The following GLI3 variants were observed in gnomAD, a reference collection of about 807,000 sequenced individuals.
The protein encoded by GLI3 is GLI family zinc finger 3, also known as transcription activator GLI3.
GLI3 carries 20 observed loss-of-function variants against 100.8 expected under a neutral mutation model. That is an observed-to-expected ratio of 0.20 (90% confidence interval 0.14 to 0.29). The LOEUF (loss-of-function observed/expected upper bound fraction) is 0.29, where lower values mean the gene tolerates loss of function less well. Ranked by LOEUF, GLI3 falls within the 10% of genes least tolerant of loss-of-function variation. GLI3 has a pLI of 1.00. For synonymous variants in GLI3, 938 were observed against 860.5 expected (o/e 1.09, Z -1.58); for missense variants, 2,040 against 2,128.5 (o/e 0.96, Z 0.82).
chr7:42,052,880 A>G (rs1178013227), intron 4 of GLI3, among the ~76,000 whole-genome samples: 1 of 152,204 alleles, frequency 6.6e-6, no homozygotes, highest in African/African-American at 2.4e-5. Context: ...TTCAACTACC[A>G]TAGCCAAACA....
intron 2 of GLI3, among the ~76,000 whole-genome samples, chr7:42,154,830 G>C (rs1786962166): frequency 6.6e-6 from 1 of 152,196 alleles, no homozygotes; most frequent in Non-Finnish European, 1.5e-5. Context: ...AAGGGCGTGA[G>C]CAAACAATGC....
intron 2 of GLI3, among the ~76,000 whole-genome samples, chr7:42,190,248 C>T (rs1280992312): frequency 6.6e-6 from 1 of 151,440 alleles, no homozygotes; most frequent in East Asian, 1.9e-4. Context: ...AAATGAAAAC[C>T]ATTAGAATTT....
At chr7:42,116,729 G>C (rs1346414525) in intron 3 of GLI3, among the ~76,000 whole-genome samples, 1 of 151,914 alleles carries the variant, frequency 6.6e-6, no homozygotes, top group East Asian at 1.9e-4. Context: ...ATGTTTTCAG[G>C]AATATTAACA....
At position 42,117,910 on chromosome 7, in the gene GLI3, T is replaced by G. The variant is rs140141209; in HGVS notation, c.367+30316A>C. On this transcript the variant is annotated intron_variant, in intron 3 of 14. Transcript: ENST00000395925. ...ATGCTGGCCCTTGAGTAGCTGCCGC[T>G]GTCTCCATGGAAGGACGGCACCATA... 8.7e-4 allele frequency among the ~76,000 whole-genome samples: 133 copies of G among 152,318 alleles called. No individual in the cohort carries two copies. The East Asian group carries it at 9.1e-3, about 10-fold the overall frequency.
intron 10 of GLI3, among the ~76,000 whole-genome samples, chr7:41,982,215 C>A (rs1423363459): frequency 6.6e-6 from 1 of 152,160 alleles, no homozygotes; most frequent in African/African-American, 2.4e-5. Context: ...CCAAGTCAAT[C>A]TTCCTCTTCT....
rs182941664 is a variant in GLI3 at position 42,234,751 on chromosome 7, C to T, written c.-43+2220G>A. On this transcript the variant is annotated intron_variant, in intron 1 of 14. Coordinates refer to ENST00000395925, the MANE Select transcript of GLI3 (RefSeq NM_000168.6). ...ACCTCTCACATTGGACTCATTCATGCATCTTAAACCAAAGCTTCCCTAGGC... is the reference window on the plus strand; with the variant it reads ...ACCTCTCACATTGGACTCATTCATGTATCTTAAACCAAAGCTTCCCTAGGC... 5.5e-4 allele frequency among the ~76,000 whole-genome samples: 84 copies of T among 152,218 alleles called. 1 individual carries two copies. Among genetic ancestry groups the T allele is most frequent in the African/African-American group, 1.9e-3 (81 of 41,560 alleles).
intron 1 of GLI3, among the ~76,000 whole-genome samples, chr7:42,230,013 T>G (rs554072190): frequency 5.5e-5 from 8 of 146,118 alleles, no homozygotes; most frequent in Non-Finnish European, 8.9e-5. Context: ...ATAACCTTTG[T>G]GACACTCTAG....
chr7:42,060,711 A>G (rs952137648), intron 4 of GLI3, among the ~76,000 whole-genome samples: 1 of 152,170 alleles, frequency 6.6e-6, no homozygotes, highest in African/African-American at 2.4e-5. Context: ...ACAAGGCAAA[A>G]TAGAAAAATA....
At position 41,965,921 on chromosome 7, in the gene GLI3, C is replaced by T. The variant is rs1484111923; in HGVS notation, c.3152G>A (p.Arg1051Gln). 2.5e-6 allele frequency: 4 copies of T among 1,613,238 alleles called. No individual in the cohort carries two copies. The highest frequency in any genetic ancestry group is 2.2e-5 in the East Asian group (1 of 44,830). ...KRSLVLQNYT[R>Q]PEGGQSRNFH... ...GTTTCGGGACTGGCCGCCCTCGGGC[C>T]GCGTGTAATTCTGAAGCACGAGACT... The change falls in exon 15 of 15, where the codon CGG becomes CAG. Residue 1051 changes from arginine to glutamine, a missense_variant. By Grantham distance (43) the Arg-to-Gln change is conservative. Transcript: ENST00000395925.
At chr7:42,245,334 T>C (rs755202647) in intron 1 of GLI3, among the ~76,000 whole-genome samples, 1 of 152,206 alleles carries the variant, frequency 6.6e-6, no homozygotes, top group Non-Finnish European at 1.5e-5. Flanking sequence ...CTCAGTCATA[T>C]ATTTTTGGGC....
At chr7:42,112,655 C>G (rs969218789) in intron 3 of GLI3, among the ~76,000 whole-genome samples, 4 of 152,124 alleles carry the variant, frequency 2.6e-5, no homozygotes, top group Non-Finnish European at 5.9e-5. Context: ...ATATAATATA[C>G]TTCTAATCCC....
intron 10 of GLI3, among the ~76,000 whole-genome samples, chr7:41,994,096 G>T (rs1788061948): frequency 6.6e-6 from 1 of 152,100 alleles, no homozygotes; most frequent in South Asian, 2.1e-4. Flanking sequence ...ATGTCCCACT[G>T]GCTGTAGAAA....
At chr7:41,968,763 G>GAAGGAAA (rs1491137662) in intron 13 of GLI3, among the ~76,000 whole-genome samples, 5 of 56,684 alleles carry the variant, frequency 8.8e-5, no homozygotes, top group African/African-American at 3.3e-4. Context: ...AAAGAAAGAA[G>GAAGGAAA]GAAAGAAAGA....
At chr7:41,974,806 G>A (rs1787465434) in intron 12 of GLI3, among the ~76,000 whole-genome samples, 1 of 152,186 alleles carries the variant, frequency 6.6e-6, no homozygotes, top group Non-Finnish European at 1.5e-5. Context: ...GCTTTTATTA[G>A]GAGTCATTTT....
chr7:42,226,401 G>A (rs573150147), intron 1 of GLI3, among the ~76,000 whole-genome samples: 55 of 152,190 alleles, frequency 3.6e-4, no homozygotes, highest in African/African-American at 1.2e-3. Flanking sequence ...TTCCCCCAAG[G>A]CAAAGGACTT....
intron 4 of GLI3, among the ~76,000 whole-genome samples, chr7:42,071,216 T>G (rs892369126): frequency 1.3e-5 from 2 of 151,864 alleles, no homozygotes; most frequent in Non-Finnish European, 2.9e-5. Flanking sequence ...TTTTCTTTTT[T>G]GGGGGGGCGG....
chr7:42,131,981 A>G (rs1786288309), intron 3 of GLI3, among the ~76,000 whole-genome samples: 1 of 152,200 alleles, frequency 6.6e-6, no homozygotes, highest in Non-Finnish European at 1.5e-5. Flanking sequence ...CAAAAGAACT[A>G]AAACAAAAAC....
chr7:41,999,222 A>T (rs1788219120), intron 10 of GLI3, among the ~76,000 whole-genome samples: 1 of 152,150 alleles, frequency 6.6e-6, no homozygotes, highest in African/African-American at 2.4e-5. Flanking sequence ...ATGGGGGAAA[A>T]ATGAAAGTGA....
chr7:42,204,992 G>A (rs1164307424), intron 2 of GLI3, among the ~76,000 whole-genome samples: 1 of 152,156 alleles, frequency 6.6e-6, no homozygotes, highest in Non-Finnish European at 1.5e-5. Context: ...ATAAACAAGA[G>A]CCATGTCTCT....
Sources: allele counts gnomAD v4.1 joint callset (sites outside exome capture counted in the v4.1 genomes callset), GRCh38; gene constraint gnomAD v4.1.1; transcripts MANE v1.5; gene names NCBI Gene and HGNC (gene_info 2026-07-23, HGNC 2026-07-21).